FAM184B: variants seen among roughly 807,000 people sequenced by gnomAD.
The protein encoded by FAM184B is family with sequence similarity 184 member B.
A neutral mutation model predicts 135.9 loss-of-function variants in FAM184B; 111 were observed. The ratio of observed to expected loss-of-function variants is 0.82; its 90% CI spans 0.70 to 0.96. The LOEUF (loss-of-function observed/expected upper bound fraction) is 0.96. Ranked by LOEUF, FAM184B falls within the 40% of genes least tolerant of loss-of-function variation. The probability of loss-of-function intolerance (pLI) is 0.00; values close to 1 mark genes in which losing one functional copy is unlikely to be tolerated. For missense variants in FAM184B, 1,375 were observed against 1,323.9 expected, an observed-to-expected ratio of 1.04 and a Z score of -0.60; for synonymous variants, 552 against 524.8, an observed-to-expected ratio of 1.05 and a Z score of -0.71.
intron 1 of FAM184B, among the ~76,000 whole-genome samples, chr4:17,763,051 C>A (rs1296128028): frequency 6.6e-6 from 1 of 152,180 alleles, no homozygotes; most frequent in African/African-American, 2.4e-5. Context: ...GACACTGCAT[C>A]CCTGGCTGCT....
At chr4:17,658,105 C>A (rs548445759) in intron 10 of FAM184B, among the ~76,000 whole-genome samples, 1 of 152,194 alleles carries the variant, frequency 6.6e-6, no homozygotes, top group Non-Finnish European at 1.5e-5. Context: ...GGTGGGGAAA[C>A]GTAGCACAAG....
intron 7 of FAM184B, among the ~76,000 whole-genome samples, chr4:17,679,697 C>G (rs1425643685): frequency 6.6e-6 from 1 of 152,106 alleles, no homozygotes; most frequent in Non-Finnish European, 1.5e-5. Context: ...GAAAATAAGT[C>G]ATTATACAAA....
intron 1 of FAM184B, among the ~76,000 whole-genome samples, chr4:17,734,170 A>G (rs1717853875): frequency 6.6e-6 from 1 of 152,216 alleles, no homozygotes; most frequent in South Asian, 2.1e-4. Flanking sequence ...CACCTTATAC[A>G]AAAATTAATT....
intron 7 of FAM184B, among the ~76,000 whole-genome samples, chr4:17,681,316 G>GT (rs1716427448): frequency 6.6e-6 from 1 of 152,312 alleles, no homozygotes; most frequent in Non-Finnish European, 1.5e-5. Flanking sequence ...TTTCTGACCT[G>GT]TCTGAGGCTC....
intron 16 of FAM184B, among the ~76,000 whole-genome samples, chr4:17,634,428 A>G (rs1333228638): frequency 6.6e-6 from 1 of 152,128 alleles, no homozygotes; most frequent in Non-Finnish European, 1.5e-5. Flanking sequence ...GGTTCAAGTG[A>G]TTCTCCTACC....
At chr4:17,736,886 T>C (rs1483097610) in intron 1 of FAM184B, among the ~76,000 whole-genome samples, 1 of 152,202 alleles carries the variant, frequency 6.6e-6, no homozygotes, top group Non-Finnish European at 1.5e-5. Flanking sequence ...GGCTCACGCC[T>C]TTAATCCCAG....
At position 17,661,389 on chromosome 4, in the gene FAM184B, A is replaced by G. The variant is rs528048651; in HGVS notation, c.1695-1302T>C. Among the ~76,000 whole-genome samples, 81 of 152,182 alleles carry G rather than the reference A, an allele frequency of 5.3e-4. No individual in the cohort carries two copies. In the South Asian group the frequency reaches 0.016, roughly 30 times the overall value. ...AACATGGTGAAACCCCGTCTCTACT[A>G]AAAATACAAAAAATTAGCTTAGTGT... On this transcript the variant is annotated intron_variant, in intron 8 of 17. Coordinates refer to ENST00000265018, the MANE Select transcript of FAM184B (RefSeq NM_015688.2).
chr4:17,742,169 T>TATATATATATATA (rs1491574518), intron 1 of FAM184B, among the ~76,000 whole-genome samples: 1 of 55,330 alleles, frequency 1.8e-5, no homozygotes, highest in African/African-American at 1.0e-4. Context: ...TATATATATA[T>TATATATATATATA]TTTTTTTTTT....
intron 1 of FAM184B, among the ~76,000 whole-genome samples, chr4:17,755,006 G>A (rs1016670720): frequency 6.6e-5 from 10 of 152,032 alleles, no homozygotes; most frequent in Admixed American, 3.9e-4. Context: ...GACTACAGGT[G>A]TGAACCACCA....
At chr4:17,733,016 G>A (rs1368717632) in intron 1 of FAM184B, among the ~76,000 whole-genome samples, 1 of 152,220 alleles carries the variant, frequency 6.6e-6, no homozygotes, top group African/African-American at 2.4e-5. Context: ...TTCCTGGGAT[G>A]CAAGGCTGGT....
chr4:17,755,734 G>A (rs1422953361), intron 1 of FAM184B, among the ~76,000 whole-genome samples: 1 of 152,162 alleles, frequency 6.6e-6, no homozygotes, highest in Non-Finnish European at 1.5e-5. Context: ...AGCCATAAAA[G>A]GGAATGAGAT....
chr4:17,663,994 A>C (rs1237488745), intron 8 of FAM184B, among the ~76,000 whole-genome samples: 1 of 152,102 alleles, frequency 6.6e-6, no homozygotes, highest in Admixed American at 6.5e-5. Context: ...TCCCCAGCCA[A>C]GCAGAATTGT....
rs1553844673 is a variant in FAM184B, at chr4:17,770,473, GTTT to G, written c.141+10683_141+10685del. 9.4e-5 allele frequency among the ~76,000 whole-genome samples: 13 copies of G among 137,790 alleles called. No individual in the cohort carries two copies. The East Asian group carries it at 1.4e-3, about 15-fold the overall frequency. 90.4% of individuals were successfully genotyped at this position (137,790 alleles called of 152,430 possible). On this transcript the variant is annotated intron_variant, in intron 1 of 17. Transcript: ENST00000265018. Reference sequence around the variant, plus strand: ...TGTTGTTGTTGTTGTTGTTGTTGTTGTTTTTTCTGAGATGGAGTCCCACTCTGC... The same window carrying G: ...TGTTGTTGTTGTTGTTGTTGTTGTTGTTTCTGAGATGGAGTCCCACTCTGC...
chr4:17,774,956 G>T (rs1225018516), intron 1 of FAM184B, among the ~76,000 whole-genome samples: 1 of 148,820 alleles, frequency 6.7e-6, no homozygotes, highest in Admixed American at 6.7e-5. Flanking sequence ...GATCAGCTTC[G>T]ATGTGCATTT....
chr4:17,718,689 C>A (rs1717451138), intron 1 of FAM184B, among the ~76,000 whole-genome samples: 1 of 152,196 alleles, frequency 6.6e-6, no homozygotes, highest in Non-Finnish European at 1.5e-5. Context: ...TGTGCTTCTA[C>A]CACTTGCTAC....
Position 17,686,946 on chromosome 4 carries a change from CA to C in FAM184B, c.1596+1477del, listed in dbSNP as rs545311302. Among the ~76,000 whole-genome samples the C allele has an allele frequency of 5.9e-3, 903 of 152,184 alleles. 7 individuals are homozygous for C. The highest frequency in any genetic ancestry group is 0.021 in the African/African-American group (871 of 41,536). On this transcript the variant is annotated intron_variant, in intron 7 of 17. Coordinates refer to ENST00000265018, the MANE Select transcript of FAM184B (RefSeq NM_015688.2). ...ACAGAGAAAGACCCTGTCTCAAAAA[CA>C]AAAAAACTCCAGTGAAGTCAAAGAT...
intron 1 of FAM184B, among the ~76,000 whole-genome samples, chr4:17,720,883 T>TAAAAAAAAAAAAA (rs59409749): frequency 9.0e-5 from 9 of 100,262 alleles, no homozygotes; most frequent in Non-Finnish European, 1.8e-4. Context: ...AGACTTCATC[T>TAAAAAAAAAAAAA]AAAAAAAAAA....
chr4:17,666,697 CTA>C (rs1367025370), intron 7 of FAM184B, among the ~76,000 whole-genome samples: 1 of 151,756 alleles, frequency 6.6e-6, no homozygotes, highest in Non-Finnish European at 1.5e-5. Flanking sequence ...TCACCTTGCT[CTA>C]TGTTTTTCTC....
chr4:17,766,143 G>C (rs938333485), intron 1 of FAM184B, among the ~76,000 whole-genome samples: 8 of 152,166 alleles, frequency 5.3e-5, no homozygotes, highest in Non-Finnish European at 8.8e-5. Context: ...GCCATTGCTG[G>C]GTCAGGCAGC....
Sources: gnomAD v4.1 joint callset for allele counts (sites outside exome capture counted in the v4.1 genomes callset) on GRCh38, gnomAD v4.1.1 for gene constraint, MANE v1.5 for transcripts, NCBI Gene and HGNC (gene_info 2026-07-23, HGNC 2026-07-21) for gene names.